STAB2: variants seen among roughly 807,000 people sequenced by gnomAD.
The protein encoded by STAB2 is stabilin 2, also known as stabilin-2.
In STAB2, 288 loss-of-function variants were observed where a neutral mutation model predicts 338.1. That is an observed-to-expected ratio of 0.85 (90% confidence interval 0.77 to 0.94). The LOEUF (loss-of-function observed/expected upper bound fraction) is 0.94, where lower values mean the gene tolerates loss of function less well. Ranked by LOEUF, STAB2 falls within the 40% of genes least tolerant of loss-of-function variation. The probability of loss-of-function intolerance (pLI) is 0.00; values close to 1 mark genes in which losing one functional copy is unlikely to be tolerated. For missense variants in STAB2, 3,141 were observed against 3,210.1 expected, an observed-to-expected ratio of 0.98 and a Z score of 0.52; for synonymous variants, 1,202 against 1,193.3, an observed-to-expected ratio of 1.01 and a Z score of -0.15.
intron 33 of STAB2, among the ~76,000 whole-genome samples, chr12:103,697,943 G>T (rs528632932): frequency 3.3e-5 from 5 of 152,306 alleles, no homozygotes; most frequent in African/African-American, 1.2e-4. Flanking sequence ...GTGGGTCTGA[G>T]ACCCAGACCT....
chr12:103,711,270 T>C (rs1331933825), intron 39 of STAB2: 3 of 621,794 alleles, frequency 4.8e-6, no homozygotes, highest in Non-Finnish European at 8.4e-6. Flanking sequence ...GAAGACACCA[T>C]CAATGTATTT....
intron 58 of STAB2, 70 bp downstream of exon 58, chr12:103,746,774 C>T (rs1883072779): frequency 2.9e-5 from 43 of 1,491,488 alleles, no homozygotes; most frequent in Non-Finnish European, 3.9e-5. Context: ...GCTCACAGTG[C>T]CTGGGCTTCA....
chr12:103,762,012 G>A (rs1037275743), intron 66 of STAB2, among the ~76,000 whole-genome samples: 1 of 152,124 alleles, frequency 6.6e-6, no homozygotes, highest in Non-Finnish European at 1.5e-5. Context: ...CTGGCTGTGT[G>A]ATATCGGGCA....
At chr12:103,739,570 T>TCCC (rs1882418533) in intron 54 of STAB2, 102 bp downstream of exon 54, 2 of 822,708 alleles carry the variant, frequency 2.4e-6, no homozygotes, top group Non-Finnish European at 3.5e-6. Flanking sequence ...TGTGTGTGTG[T>TCCC]GTGCCCGTGC....
At position 103,714,114 on chromosome 12, in the gene STAB2, C is replaced by G. The variant is rs17034403; in HGVS notation, c.4537+346C>G. On this transcript the variant is annotated intron_variant, in intron 42 of 68. Transcript: ENST00000388887. ...GAGAAAATACTCTGAAGATAGTGCT[C>G]TTATTATTGTCATTACCCCATTTTG... 5.6e-3 allele frequency among the ~76,000 whole-genome samples: 860 copies of G among 152,248 alleles called. 10 individuals carry two copies. The highest frequency in any genetic ancestry group is 0.02 in the African/African-American group (827 of 41,536).
intron 44 of STAB2, among the ~76,000 whole-genome samples, chr12:103,723,069 A>T (rs558419925): frequency 6.6e-6 from 1 of 152,288 alleles, no homozygotes; most frequent in Non-Finnish European, 1.5e-5. Flanking sequence ...GGATGGGGAG[A>T]TGAGGTGGTT....
chr12:103,706,663 C>G (rs1343359619), intron 37 of STAB2, 129 bp from the exon 38 acceptor site: 1 of 1,269,054 alleles, frequency 7.9e-7, no homozygotes, highest in East Asian at 2.5e-5. Flanking sequence ...TGCCCCCACC[C>G]CTCACCCACT....
intron 27 of STAB2, among the ~76,000 whole-genome samples, chr12:103,687,377 A>G (rs995915796): frequency 1.7e-4 from 26 of 151,806 alleles, no homozygotes; most frequent in African/African-American, 6.0e-4. Flanking sequence ...CTGCTCTGCC[A>G]GCAATATTGG....
chr12:103,699,375 G>A, intron 34 of STAB2, 148 bp downstream of exon 34: 1 of 1,108,834 alleles, frequency 9.0e-7, no homozygotes, highest in Non-Finnish European at 1.2e-6. Context: ...AGCCAAGACT[G>A]GAAAGAAAAA....
At chr12:103,675,141 T>C (rs1876215735) in intron 23 of STAB2, among the ~76,000 whole-genome samples, 1 of 152,208 alleles carries the variant, frequency 6.6e-6, no homozygotes. Flanking sequence ...ATTTTTTTAA[T>C]TTTTGTAAGG....
intron 31 of STAB2, among the ~76,000 whole-genome samples, chr12:103,694,946 G>A (rs146243309): frequency 8.0e-4 from 122 of 152,152 alleles, no homozygotes; most frequent in Non-Finnish European, 1.4e-3. Flanking sequence ...TAATGAAAGT[G>A]GCTGCTGCTA....
At chr12:103,691,762 G>A (rs1166070799) in intron 30 of STAB2, among the ~76,000 whole-genome samples, 1 of 152,180 alleles carries the variant, frequency 6.6e-6, no homozygotes, top group Non-Finnish European at 1.5e-5. Flanking sequence ...CTCCTGCCAG[G>A]AGGGTTTTCT....
chr12:103,764,482 C>G (rs1884772244), intron 68 of STAB2, among the ~76,000 whole-genome samples: 1 of 152,134 alleles, frequency 6.6e-6, no homozygotes, highest in South Asian at 2.1e-4. Flanking sequence ...AGGGGGACCC[C>G]TTGGCAGGGT....
At chr12:103,625,847 G>T (rs889918474) in intron 5 of STAB2, among the ~76,000 whole-genome samples, 2 of 152,186 alleles carry the variant, frequency 1.3e-5, no homozygotes, top group African/African-American at 4.8e-5. Flanking sequence ...ATAGCAGCAT[G>T]ATTTATAATC....
intron 53 of STAB2, among the ~76,000 whole-genome samples, chr12:103,739,206 G>A (rs554535119): frequency 3.3e-5 from 5 of 150,416 alleles, no homozygotes; most frequent in Middle Eastern, 3.4e-3. Flanking sequence ...CAAACTTCTC[G>A]CCTCAAGCAA....
Position 103,650,539 on chromosome 12 carries a change from G to A in STAB2, c.1218G>A (p.Thr406=), listed in dbSNP as rs767119177. The change falls in exon 11 of 69, where the codon ACG becomes ACA. Residue 406 remains threonine, a synonymous_variant. Transcript: ENST00000388887. The part of the protein sequence containing the change: ...AWPLSKLGPF[T]VLLPTDKGLK... The stretch of plus-strand genomic sequence containing the variant: ...CACTGAGTAAGCTGGGACCCTTCAC[G>A]GTGCTGTTACCTACAGACAAGGGAC... The A allele has an allele frequency of 1.7e-5, 28 of 1,613,058 alleles. No individual in the cohort carries two copies. Among genetic ancestry groups the A allele is most frequent in the Admixed American group, 6.7e-5 (4 of 59,960 alleles).
chr12:103,652,527 T>C (rs1179007141), intron 11 of STAB2, 29 bp from the exon 12 acceptor site: 1 of 1,534,306 alleles, frequency 6.5e-7, no homozygotes, highest in Admixed American at 2.1e-5. Flanking sequence ...CTTCTTCAAA[T>C]AATAGTAAAA....
intron 3 of STAB2, among the ~76,000 whole-genome samples, chr12:103,609,344 G>A (rs371784844): frequency 0.017 from 2,643 of 152,184 alleles, 70 homozygotes; most frequent in African/African-American, 0.06. Context: ...CCATTTGTTC[G>A]TATCCTCTTT....
chr12:103,658,806 G>A (rs781524434), intron 15 of STAB2, among the ~76,000 whole-genome samples: 27 of 152,186 alleles, frequency 1.8e-4, no homozygotes, highest in Non-Finnish European at 3.7e-4. Flanking sequence ...ATGGTGATGG[G>A]TGGTTAGCAA....
Sources: allele counts gnomAD v4.1 joint callset (sites outside exome capture counted in the v4.1 genomes callset), GRCh38; gene constraint gnomAD v4.1.1; transcripts MANE v1.5; gene names NCBI Gene and HGNC (gene_info 2026-07-23, HGNC 2026-07-21).